The following SGO1 variants were observed in gnomAD, a reference collection of about 807,000 sequenced individuals.
SGO1 encodes the protein shugoshin 1, also known as serologically defined breast cancer antigen NY-BR-85.
SGO1 carries 39 observed loss-of-function variants against 50.5 expected under a neutral mutation model. The observed-to-expected ratio is 0.77, with a 90% confidence interval of 0.60 to 1.01. SGO1 has a LOEUF of 1.01. Among genes scored for constraint, SGO1 ranks in the 50% least tolerant of loss-of-function variants. The pLI, the probability that SGO1 is intolerant of heterozygous loss-of-function variation, is 0.00. For synonymous variants in SGO1, 191 were observed against 205.1 expected (o/e 0.93, Z 0.59); for missense variants, 638 against 606.0 (o/e 1.05, Z -0.55).
intron 4 of SGO1, 110 bp from the exon 5 acceptor site, chr3:20,176,769 G>A (rs141844935): frequency 1.4e-4 from 96 of 693,042 alleles, no homozygotes; most frequent in African/African-American, 8.7e-4. Context: ...TTCATAATTC[G>A]ATTTCAAATC....
Position 20,170,655 on chromosome 3 carries a change from G to A in SGO1, c.*49C>T. 1 of 1,499,522 alleles carries A rather than the reference G, an allele frequency of 6.7e-7. No homozygotes were observed. Among genetic ancestry groups the A allele is most frequent in the African/African-American group, 1.4e-5 (1 of 70,290 alleles). 92.9% of individuals were successfully genotyped at this position (1,499,522 alleles called of 1,614,324 possible). A position where few individuals can be genotyped will look rare whatever the true frequency, so the allele number is the denominator to read the frequency against. The stretch of plus-strand genomic sequence containing the variant: ...GTACTCTTACAGATCCTCTCCTGAA[G>A]CAACAGAAAGAGGTGTAGATTGAAT... On this transcript the variant is annotated 3_prime_UTR_variant, in exon 8 of 8. Transcript: ENST00000412997.
At position 20,170,838 on chromosome 3, in the gene SGO1, C is replaced by G. The variant is rs1164181998; in HGVS notation, c.1473-23G>C. 8 of 1,581,702 alleles carry G rather than the reference C, an allele frequency of 5.1e-6. No homozygotes were observed. In the Middle Eastern group the frequency reaches 5.0e-4, roughly 99 times the overall value. The stretch of plus-strand genomic sequence containing the variant: ...TTCCTGTAAGAGTAAAAAGAGATCT[C>G]AGGCATAATGTAAGCATCCCAATAT... On this transcript the variant is annotated intron_variant, in intron 7 of 7. Coordinates refer to ENST00000412997, the MANE Select transcript of SGO1 (RefSeq NM_001199251.3).
intron 6 of SGO1, among the ~76,000 whole-genome samples, chr3:20,172,393 C>T (rs550488626): frequency 2.3e-4 from 35 of 150,676 alleles, no homozygotes; most frequent in South Asian, 6.3e-4. Context: ...CCCAGCTACT[C>T]GGGAGTCTGA....
rs1285813778 is a variant in SGO1, at chr3:20,170,153, C to CT, written c.*550dup. On this transcript the variant is annotated 3_prime_UTR_variant, in exon 8 of 8. Coordinates refer to ENST00000412997, the MANE Select transcript of SGO1 (RefSeq NM_001199251.3). ...GCACAGTGGCTCAGTAATCCCAGCA[C>CT]TTTGGGAGGCCGAGGTGGGCAGATC... 4.1e-6 allele frequency: 4 copies of CT among 966,720 alleles called. No individual in the cohort carries two copies. The highest frequency in any genetic ancestry group is 4.9e-6 in the Non-Finnish European group (4 of 813,076). 59.9% of individuals were successfully genotyped at this position (966,720 alleles called of 1,614,324 possible).
rs1224446548 is a variant in SGO1, at chr3:20,174,234, A to C, written c.1282+15T>G. 1.9e-6 allele frequency: 3 copies of C among 1,575,778 alleles called. No homozygotes were observed. The highest frequency in any genetic ancestry group is 2.6e-6 in the Non-Finnish European group (3 of 1,146,096). ...ACGAACATTAAAAATACAGGTAAACAAGTAGATCACTTACTGGTAGGAGTT... is the reference window on the plus strand; with the variant it reads ...ACGAACATTAAAAATACAGGTAAACCAGTAGATCACTTACTGGTAGGAGTT... On this transcript the variant is annotated intron_variant, in intron 6 of 7. Coordinates refer to ENST00000412997, the MANE Select transcript of SGO1 (RefSeq NM_001199251.3).
intron 5 of SGO1, 26 bp from the exon 6 acceptor site, chr3:20,175,081 A>G: frequency 2.9e-6 from 4 of 1,381,366 alleles, no homozygotes; most frequent in Non-Finnish European, 3.8e-6. Context: ...ATAAATGAGA[A>G]AAGTAGTTTT....
chr3:20,183,713 G>A lies in SGO1; in HGVS notation c.234C>T (p.Ala78=). The A allele has an allele frequency of 6.2e-7, 1 of 1,613,160 alleles. No individual in the cohort carries two copies. The highest frequency in any genetic ancestry group is 8.5e-7 in the Non-Finnish European group (1 of 1,179,776). ...TTCTCAGCTGTAGGATGATATCTTG[G>A]GCTTCTTTCACTTTGGATTTTTCAT... is the stretch of plus-strand genomic sequence containing the variant. ...LENEKSKVKE[A]QDIILQLRKE... is the part of the protein sequence containing the mutation. Residue 78 remains alanine, a synonymous_variant, in exon 3 of 8, where the codon GCC becomes GCT. Coordinates refer to ENST00000412997, the MANE Select transcript of SGO1 (RefSeq NM_001199251.3).
At chr3:20,172,229 C>T (rs747860947) in intron 6 of SGO1, among the ~76,000 whole-genome samples, 7 of 152,150 alleles carry the variant, frequency 4.6e-5, no homozygotes, top group African/African-American at 9.7e-5. Flanking sequence ...TGGCCAGGCA[C>T]GGTGGCTCAC....
Position 20,169,879 on chromosome 3 carries a change from T to C in SGO1, c.*825A>G. 1.0e-6 allele frequency: 1 copy of C among 981,188 alleles called. No homozygotes were observed. Among genetic ancestry groups the C allele is most frequent in the Non-Finnish European group, 1.2e-6 (1 of 826,090 alleles). The allele number at this position is 981,188 out of a possible 1,614,324, so 60.8% of individuals were successfully genotyped here. On this transcript the variant is annotated 3_prime_UTR_variant, in exon 8 of 8. Transcript: ENST00000412997. ...AGGAATTCATAAACAACTTAGGGTG[T>C]ACCCTACTGTAAATGTCAAATATTT...
rs550667958 is a variant in SGO1 at position 20,183,870 on chromosome 3, C to T, written c.142+16G>A. 2.2e-5 allele frequency: 35 copies of T among 1,604,144 alleles called. No individual in the cohort carries two copies. The Middle Eastern group carries it at 9.9e-4, about 46-fold the overall frequency. ...ACTTAAAAGTGATATAAAAGGACAA[C>T]ATAAAAATCTCTTACTGATTATTTG... On this transcript the variant is annotated intron_variant, in intron 2 of 7. Transcript: ENST00000412997.
intron 3 of SGO1, among the ~76,000 whole-genome samples, chr3:20,181,328 T>A (rs1701995809): frequency 6.6e-6 from 1 of 152,332 alleles, no homozygotes; most frequent in East Asian, 1.9e-4. Context: ...AAAAGGCTGT[T>A]AAAAATTACC....
rs770724823 is a variant in SGO1, at chr3:20,175,028, G to T, written c.503C>A (p.Thr168Lys). 4.8e-5 allele frequency: 75 copies of T among 1,564,842 alleles called. No homozygotes were observed. The highest frequency in any genetic ancestry group is 5.6e-5 in the Non-Finnish European group (65 of 1,154,532). The change falls in exon 6 of 8, where the codon ACA (threonine) becomes AAA (lysine). Residue 168 changes from threonine to lysine, a missense_variant. Physicochemically the swap from Thr to Lys is moderately conservative, Grantham distance 78 (BLOSUM62 -1). Coordinates refer to ENST00000412997, the MANE Select transcript of SGO1 (RefSeq NM_001199251.3). The part of the protein sequence containing the change: ...EDQIPTIPQD[T>K]LGVDFDSGEA... ...ACCTGAATCAAAATCAACTCCCAGT[G>T]TGTCTTGAGGAATAGTAGGTATCTG...
At position 20,170,693 on chromosome 3, in the gene SGO1, C is replaced by T. The variant is rs1348690270; in HGVS notation, c.*11G>A. On this transcript the variant is annotated 3_prime_UTR_variant, in exon 8 of 8. Coordinates refer to ENST00000412997, the MANE Select transcript of SGO1 (RefSeq NM_001199251.3). ...GTGTAGATTGAATTTAAACAATATC[C>T]AACAAAACCTTCATTGTATTTGTTT... The T allele has an allele frequency of 6.4e-7, 1 of 1,568,218 alleles. No individual in the cohort carries two copies. The highest frequency in any genetic ancestry group is 2.3e-5 in the East Asian group (1 of 43,880).
At chr3:20,167,294 A>C (rs1700354351), downstream of SGO1, among the ~76,000 whole-genome samples, 1 of 152,196 alleles carries the variant, frequency 6.6e-6, no homozygotes, top group South Asian at 2.1e-4. Context: ...TTAAAGTGAA[A>C]AACAAAAATG....
downstream of SGO1, among the ~76,000 whole-genome samples, chr3:20,168,490 A>G (rs1700423496): frequency 6.6e-6 from 1 of 151,500 alleles, no homozygotes; most frequent in Admixed American, 6.6e-5. Flanking sequence ...AAGACCATCC[A>G]GAAGCAGGTG....
downstream of SGO1, chr3:20,169,404 G>A (rs966159998): frequency 3.8e-5 from 37 of 984,764 alleles, no homozygotes; most frequent in African/African-American, 5.6e-4. Flanking sequence ...GAGGGGAGAG[G>A]AAATGTCCAA....
downstream of SGO1, among the ~76,000 whole-genome samples, chr3:20,164,817 T>C (rs1700214234): frequency 6.6e-6 from 1 of 152,128 alleles, no homozygotes; most frequent in South Asian, 2.1e-4. Flanking sequence ...AAGTCAAGAA[T>C]ATGAAATGCT....
downstream of SGO1, among the ~76,000 whole-genome samples, chr3:20,166,614 A>G (rs55794899): frequency 0.16 from 24,455 of 151,940 alleles, 2,324 homozygotes; most frequent in East Asian, 0.37. Flanking sequence ...CAATGGGTAT[A>G]GAGTTTTAGT....
At chr3:20,178,232 CTTAGTA>C (rs1701618333) in intron 4 of SGO1, 33 bp downstream of exon 4, 1 of 1,345,458 alleles carries the variant, frequency 7.4e-7, no homozygotes, top group Non-Finnish European at 1.1e-6. Context: ...TTAAACCTTT[CTTAGTA>C]TTAATAATCA....
Sources: allele counts gnomAD v4.1 joint callset (sites outside exome capture counted in the v4.1 genomes callset), GRCh38; gene constraint gnomAD v4.1.1; transcripts MANE v1.5; gene names NCBI Gene and HGNC (gene_info 2026-07-23, HGNC 2026-07-21).